Variants in SUMF1 observed in about 807,000 individuals in gnomAD.
SUMF1 encodes the protein formylglycine-generating enzyme.
In SUMF1, 48 loss-of-function variants were observed where a neutral mutation model predicts 47.6. The observed-to-expected ratio is 1.01, with a 90% confidence interval of 0.80 to 1.28. The LOEUF (loss-of-function observed/expected upper bound fraction) is 1.28, where lower values mean the gene tolerates loss of function less well. Among genes scored for constraint, SUMF1 ranks in the 50% most tolerant of loss-of-function variants. The pLI is 0.00. For missense variants in SUMF1, 571 were observed against 485.4 expected (o/e 1.18, Z -1.66); for synonymous variants, 230 against 192.1 (o/e 1.20, Z -1.63).
chr3:4,413,236 G>C (rs942890858), intron 6 of SUMF1, among the ~76,000 whole-genome samples: 1 of 151,930 alleles, frequency 6.6e-6, no homozygotes, highest in Non-Finnish European at 1.5e-5. Flanking sequence ...GAACTCTTAG[G>C]CTCAAACAAA....
chr3:4,301,303 C>T (rs1209179661), intron 8 of SUMF1, among the ~76,000 whole-genome samples: 1 of 152,036 alleles, frequency 6.6e-6, no homozygotes, highest in Non-Finnish European at 1.5e-5. Flanking sequence ...CAAGGGGTTC[C>T]AACAGAGAAC....
At chr3:4,401,246 G>C (rs1701202465) in intron 7 of SUMF1, among the ~76,000 whole-genome samples, 1 of 151,960 alleles carries the variant, frequency 6.6e-6, no homozygotes, top group Admixed American at 6.6e-5. Context: ...CCAAGTCTTT[G>C]CTCTTGTGAA....
At chr3:4,101,591 G>A (rs183792677) in intron 8 of SUMF1, among the ~76,000 whole-genome samples, 3 of 152,194 alleles carry the variant, frequency 2.0e-5, no homozygotes, top group African/African-American at 4.8e-5. Context: ...ACAGCAAGTC[G>A]ACTACAGTTA....
At chr3:4,127,373 C>T (rs1693678515) in intron 8 of SUMF1, among the ~76,000 whole-genome samples, 2 of 152,032 alleles carry the variant, frequency 1.3e-5, no homozygotes, top group Non-Finnish European at 2.9e-5. Context: ...GAGGGTGTTG[C>T]CAAAGGAGAT....
intron 8 of SUMF1, among the ~76,000 whole-genome samples, chr3:4,347,065 C>T (rs1699388843): frequency 6.6e-6 from 1 of 152,166 alleles, no homozygotes; most frequent in African/African-American, 2.4e-5. Flanking sequence ...AAAAAAAGCC[C>T]AGGACCAGAC....
At chr3:4,251,360 T>C (rs1026092577) in intron 8 of SUMF1, among the ~76,000 whole-genome samples, 2 of 152,248 alleles carry the variant, frequency 1.3e-5, no homozygotes, top group Non-Finnish European at 2.9e-5. Flanking sequence ...AAGTGATTTC[T>C]TGAGATGGAA....
At chr3:4,316,917 G>T (rs568591468) in intron 8 of SUMF1, 10 of 1,549,370 alleles carry the variant, frequency 6.5e-6, no homozygotes, top group Admixed American at 2.0e-5. Context: ...CCTGCAGCTG[G>T]CATTGGTCAA....
At chr3:4,149,455 C>A (rs1193179991) in intron 8 of SUMF1, among the ~76,000 whole-genome samples, 1 of 152,142 alleles carries the variant, frequency 6.6e-6, no homozygotes. Flanking sequence ...TCAATGCTTG[C>A]AACACCTCTA....
chr3:4,194,292 G>A (rs1695382725), intron 8 of SUMF1, among the ~76,000 whole-genome samples: 1 of 152,082 alleles, frequency 6.6e-6, no homozygotes, highest in Admixed American at 6.6e-5. Flanking sequence ...ATGCCCTTTG[G>A]GTGCTCTCTC....
intron 1 of SUMF1, 78 bp downstream of exon 1, chr3:4,466,898 A>T: frequency 6.4e-7 from 1 of 1,552,210 alleles, no homozygotes; most frequent in Non-Finnish European, 8.7e-7. Context: ...CCTTCCTACT[A>T]GTGCCTTGCT....
At chr3:4,453,217 G>A (rs533310538) in intron 1 of SUMF1, among the ~76,000 whole-genome samples, 168 bp from the exon 2 acceptor site, 4 of 152,224 alleles carry the variant, frequency 2.6e-5, no homozygotes, top group Non-Finnish European at 4.4e-5. Flanking sequence ...GGTGAATCAC[G>A]AGTCTCAAAA....
chr3:4,088,649 A>G (rs921707011), intron 8 of SUMF1, among the ~76,000 whole-genome samples: 6 of 152,062 alleles, frequency 3.9e-5, no homozygotes, highest in African/African-American at 1.5e-4. Flanking sequence ...ATGAAGACAA[A>G]TATTGTTTGT....
chr3:4,358,986 T>G (rs1699682737), downstream of SUMF1, among the ~76,000 whole-genome samples: 1 of 152,194 alleles, frequency 6.6e-6, no homozygotes, highest in Non-Finnish European at 1.5e-5. Flanking sequence ...ATTTTGTTAG[T>G]GCTGTGGTAC....
At chr3:4,219,537 C>T in intron 8 of SUMF1, among the ~76,000 whole-genome samples, 1 of 152,296 alleles carries the variant, frequency 6.6e-6, no homozygotes, top group Middle Eastern at 3.4e-3. Context: ...AAGTCTCCCA[C>T]AGTCATGGTT....
intron 7 of SUMF1, among the ~76,000 whole-genome samples, chr3:4,395,800 T>C (rs11714594): frequency 0.23 from 35,115 of 152,194 alleles, 4,575 homozygotes; most frequent in Middle Eastern, 0.39. Context: ...CCAAAGTCTA[T>C]GGTAACCGTT....
At chr3:4,119,977 C>T (rs917409353) in intron 8 of SUMF1, among the ~76,000 whole-genome samples, 10 of 152,102 alleles carry the variant, frequency 6.6e-5, no homozygotes, top group Non-Finnish European at 1.5e-4. Flanking sequence ...CTATGAGCTT[C>T]CTTTTTAGGA....
At chr3:4,085,218 G>T (rs1435251596) in intron 8 of SUMF1, among the ~76,000 whole-genome samples, 2 of 152,042 alleles carry the variant, frequency 1.3e-5, no homozygotes, top group Non-Finnish European at 2.9e-5. Flanking sequence ...TTCAAGTAGG[G>T]ATAAAATATA....
chr3:4,176,060 G>A (rs1368239324), intron 8 of SUMF1, among the ~76,000 whole-genome samples: 5 of 152,194 alleles, frequency 3.3e-5, no homozygotes, highest in African/African-American at 1.2e-4. Context: ...ATCTACATTT[G>A]ATTGTTGTAC....
At chr3:4,417,465 C>T (rs1448316967) in intron 5 of SUMF1, among the ~76,000 whole-genome samples, 1 of 152,182 alleles carries the variant, frequency 6.6e-6, no homozygotes, top group African/African-American at 2.4e-5. Flanking sequence ...CCCAGGTACT[C>T]AGGAGGCCTG....
Sources: allele counts gnomAD v4.1 joint callset (sites outside exome capture counted in the v4.1 genomes callset), GRCh38; gene constraint gnomAD v4.1.1; transcripts MANE v1.5; gene names NCBI Gene and HGNC (gene_info 2026-07-23, HGNC 2026-07-21).